TOP2A: variants seen among roughly 807,000 people sequenced by gnomAD.
TOP2A encodes DNA topoisomerase 2-alpha.
In TOP2A, 68 loss-of-function variants were observed where a neutral mutation model predicts 187.2. The observed-to-expected ratio is 0.36, with a 90% confidence interval of 0.30 to 0.44. The LOEUF (loss-of-function observed/expected upper bound fraction) is 0.44, where lower values mean the gene tolerates loss of function less well. TOP2A is among the 20% of genes least tolerant of loss of function. The probability of loss-of-function intolerance (pLI) is 1.00; values close to 1 mark genes in which losing one functional copy is unlikely to be tolerated. For synonymous variants in TOP2A, 542 were observed against 593.2 expected (o/e 0.91, Z 1.25); for missense variants, 1,196 against 1,808.7 (o/e 0.66, Z 6.14).
rs1367299271 is a variant in TOP2A at position 40,396,480 on chromosome 17, T to A, written c.3538-15A>T. ...GCTTCAACAGCCTACAGAAGGGATA[T>A]AAGAAAGCAAGTTTAAATGTTAACA... On this transcript the variant is annotated splice_polypyrimidine_tract_variant and intron_variant, in intron 27 of 34. Transcript: ENST00000423485. 2 of 1,602,344 alleles carry A rather than the reference T, an allele frequency of 1.2e-6. No individual in the cohort carries two copies. Among genetic ancestry groups the A allele is most frequent in the African/African-American group, 1.3e-5 (1 of 74,362 alleles).
chr17:40,401,023 CAT>C lies in TOP2A; in HGVS notation c.2489_2490del (p.Tyr830Ter). On this transcript the variant is annotated frameshift_variant, in exon 21 of 35. Transcript: ENST00000423485. LOFTEE classifies it high-confidence loss of function. ...PKDDHTLKFL[Y>X]DDNQRVEPEW... ...TCAGGCTCAACACGCTGGTTGTCATCATATAAAAACTTCAACGTGTGATCATC... is the reference window on the plus strand; with the variant it reads ...TCAGGCTCAACACGCTGGTTGTCATCATAAAAACTTCAACGTGTGATCATC... 6.2e-7 allele frequency: 1 copy of C among 1,613,910 alleles called. No individual in the cohort carries two copies. The highest frequency in any genetic ancestry group is 8.5e-7 in the Non-Finnish European group (1 of 1,179,886).
In TOP2A at chr17:40,390,083, C is replaced by G; in HGVS notation, c.4349G>C (p.Gly1450Ala). Reference protein sequence around the residue: ...GTKRDPALNSGVSQKPDPAKT... With the variant: ...GTKRDPALNSAVSQKPDPAKT... ...GGCAGGATCAGGCTTTTGAGAGACA[C>G]CAGAATTCAAAGCTGGATCCCTTTT... is the stretch of plus-strand genomic sequence containing the variant. Residue 1450 changes from glycine (G) to alanine (A), a missense_variant, in exon 34 of 35, where the codon GGT (glycine) becomes GCT (alanine). By Grantham distance (60) the Gly-to-Ala change is moderately conservative (BLOSUM62 0). Transcript: ENST00000423485. The G allele has an allele frequency of 6.2e-7, 1 of 1,613,830 alleles. No homozygotes were observed. The highest frequency in any genetic ancestry group is 1.3e-5 in the African/African-American group (1 of 75,036).
chr17:40,404,386 T>C lies in TOP2A; in HGVS notation c.2152A>G (p.Met718Val), dbSNP rs756935294. 13 of 1,607,880 alleles carry C rather than the reference T, an allele frequency of 8.1e-6. No individual in the cohort carries two copies. The highest frequency in any genetic ancestry group is 3.3e-5 in the Admixed American group (2 of 59,746). Residue 718 changes from methionine to valine, a missense_variant, in exon 18 of 35, where the codon ATG becomes GTG. Met to Val is a conservative substitution (Grantham distance 21). Transcript: ENST00000423485. ...NSDNERSIPS[M>V]VDGLKPGQRK... ...ACAAATTGGAACTCACCATCCACCA[T>C]AGAAGGGATAGATCTCTCGTTATCA...
In TOP2A at chr17:40,411,019, A is replaced by G; in HGVS notation, c.1203+90T>C. On this transcript the variant is annotated intron_variant, in intron 10 of 34. Coordinates refer to ENST00000423485, the MANE Select transcript of TOP2A (RefSeq NM_001067.4). The surrounding 1 kb of genome is among the most constrained non-coding windows in gnomAD (Gnocchi z 4.4). ...TTGGGAAGACTTGGAGAAGCTCACT[A>G]TGAGAAGAATCATTGTTTCTGCAGA... 2 of 1,319,850 alleles carry G rather than the reference A, an allele frequency of 1.5e-6. No homozygotes were observed. Among genetic ancestry groups the G allele is most frequent in the African/African-American group, 1.5e-5 (1 of 67,202 alleles). The allele number at this position is 1,319,850 out of a possible 1,614,324, so 81.8% of individuals were successfully genotyped here.
chr17:40,400,133 T>G, intron 23 of TOP2A, 66 bp from the exon 24 acceptor site: 1 of 1,581,276 alleles, frequency 6.3e-7, no homozygotes, highest in Non-Finnish European at 8.6e-7. Context: ...AAAGGTAGAC[T>G]AAGATATACT....
At chr17:40,408,368 A>T in intron 11 of TOP2A, 124 bp downstream of exon 11, 2 of 1,109,628 alleles carry the variant, frequency 1.8e-6, no homozygotes, top group Non-Finnish European at 1.2e-6. Flanking sequence ...GCCGATTTTT[A>T]ACAAGTTATT....
chr17:40,415,454 C>T lies in TOP2A; in HGVS notation c.332+551G>A, dbSNP rs17618397. On this transcript the variant is annotated intron_variant, in intron 4 of 34. Transcript: ENST00000423485. ...GACTAACAAAAAAGTGAAATAAGCACCCTGATCACCCACTAAGGGACACCC... is the reference window on the plus strand; with the variant it reads ...GACTAACAAAAAAGTGAAATAAGCATCCTGATCACCCACTAAGGGACACCC... 9.3e-3 allele frequency among the ~76,000 whole-genome samples: 1,416 copies of T among 152,168 alleles called. 4 individuals are homozygous for T. The highest frequency in any genetic ancestry group is 0.014 in the Non-Finnish European group (958 of 68,006).
chr17:40,395,832 G>A (rs1037047812), intron 28 of TOP2A, among the ~76,000 whole-genome samples: 8 of 151,920 alleles, frequency 5.3e-5, no homozygotes, highest in Admixed American at 3.9e-4. Flanking sequence ...AGGTTGCTGT[G>A]AGCTGAGATC....
Position 40,417,672 on chromosome 17 carries a change from G to A in TOP2A, c.21+99C>T, listed in dbSNP as rs931102950. 6.9e-6 allele frequency: 11 copies of A among 1,583,582 alleles called. No homozygotes were observed. In the Admixed American group the frequency reaches 1.8e-4, roughly 26 times the overall value. On this transcript the variant is annotated intron_variant, in intron 1 of 34. Transcript: ENST00000423485. ...AATATGGGCTCCCAAGCCGGTCGCC[G>A]GCCTGACCGCAGCCCCAGAGCTTCA...
chr17:40,391,160 A>G, intron 33 of TOP2A: 1 of 187,426 alleles, frequency 5.3e-6, no homozygotes, highest in Non-Finnish European at 1.1e-5. Flanking sequence ...GCCTCAAGCA[A>G]TCCTCTTGTT....
chr17:40,414,504 C>T (rs950621021), intron 4 of TOP2A, among the ~76,000 whole-genome samples: 1 of 151,794 alleles, frequency 6.6e-6, no homozygotes, highest in Non-Finnish European at 1.5e-5. Context: ...GCCTATTATA[C>T]CCCTTTCAAG....
Position 40,411,239 on chromosome 17 carries a change from T to G in TOP2A, c.1073A>C (p.Asn358Thr). ...GGCATTTACAAAAATCCACATGTGA[T>G]TTTTCACCTGCAATAGAAGTTGATA... is the stretch of plus-strand genomic sequence containing the variant. ...GVAVKAHQVK[N>T]HMWIFVNALI... Residue 358 changes from asparagine to threonine, a missense_variant, in exon 10 of 35, where the codon AAT (asparagine) becomes ACT (threonine). Around this residue, in one of 10 missense-constraint regions of TOP2A, gnomAD observed 252 missense variants for 434.8 expected, o/e 0.58. Coordinates refer to ENST00000423485, the MANE Select transcript of TOP2A (RefSeq NM_001067.4). The surrounding 1 kb of genome is among the most constrained non-coding windows in gnomAD (Gnocchi z 4.4). 6.2e-7 allele frequency: 1 copy of G among 1,612,844 alleles called. No individual in the cohort carries two copies. The highest frequency in any genetic ancestry group is 1.1e-5 in the South Asian group (1 of 90,670).
rs1348201069 is a variant in TOP2A, at chr17:40,408,587, T to C, written c.1247A>G (p.Lys416Arg). The C allele has an allele frequency of 2.5e-6, 4 of 1,613,844 alleles. No homozygotes were observed. Among genetic ancestry groups the C allele is most frequent in the Admixed American group, 3.3e-5 (2 of 60,022 alleles). Residue 416 changes from lysine (K) to arginine (R), a missense_variant, in exon 11 of 35, where the codon AAG becomes AGG. Coordinates refer to ENST00000423485, the MANE Select transcript of TOP2A (RefSeq NM_001067.4). Reference protein sequence around the residue: ...GIVESILNWVKFKAQVQLNKK... With the variant: ...GIVESILNWVRFKAQVQLNKK... ...GTTTAACTGGACTTGGGCCTTAAAC[T>C]TCACCCAGTTTAGTATGCTTTCTAC...
At position 40,412,873 on chromosome 17, in the gene TOP2A, C is replaced by T. The variant is rs2143685613; in HGVS notation, c.675G>A (p.Lys225=). The T allele has an allele frequency of 6.2e-7, 1 of 1,613,916 alleles. No homozygotes were observed. The highest frequency in any genetic ancestry group is 8.5e-7 in the Non-Finnish European group (1 of 1,179,870). ...TCITFQPDLS[K]FKMQSLDKDI... is the part of the protein sequence containing the mutation. The stretch of plus-strand genomic sequence containing the variant: ...CTTTGTCCAGGCTTTGCATTTTAAA[C>T]TTAGACAAATCAGGCTGAAAGGTGA... The change falls in exon 7 of 35, where the codon AAG becomes AAA. Residue 225 remains lysine (K), a synonymous_variant. Transcript: ENST00000423485.
At position 40,408,804 on chromosome 17, in the gene TOP2A, C is replaced by G. The variant is rs547791415; in HGVS notation, c.1204-174G>C. On this transcript the variant is annotated intron_variant, in intron 10 of 34. Coordinates refer to ENST00000423485, the MANE Select transcript of TOP2A (RefSeq NM_001067.4). Reference sequence around the variant, plus strand: ...ATCTTCCCATGTCAGGTTATCACCACTGAGGGAGCTGCTCCTTTTGGTTCA... The same window carrying G: ...ATCTTCCCATGTCAGGTTATCACCAGTGAGGGAGCTGCTCCTTTTGGTTCA... The G allele has an allele frequency of 2.2e-5, 16 of 715,906 alleles. No homozygotes were observed. The African/African-American group carries it at 2.8e-4, about 12-fold the overall frequency. The allele number at this position is 715,906 out of a possible 1,614,324, so 44.3% of individuals were successfully genotyped here.
chr17:40,406,984 C>T (rs781626477), intron 13 of TOP2A, 42 bp from the exon 14 acceptor site: 2 of 1,471,478 alleles, frequency 1.4e-6, no homozygotes, highest in Non-Finnish European at 1.9e-6. Context: ...AACTGTTAGG[C>T]TGGGCGTGGT....
intron 11 of TOP2A, 129 bp downstream of exon 11, chr17:40,408,363 T>C: frequency 1.8e-6 from 2 of 1,088,792 alleles, no homozygotes; most frequent in Non-Finnish European, 2.5e-6. Flanking sequence ...AACGGGCCGA[T>C]TTTTAACAAG....
At position 40,392,748 on chromosome 17, in the gene TOP2A, G is replaced by T. The variant is rs750291818; in HGVS notation, c.3812-11C>A. ...TCTTTGTCTTTGTACCTAGAGGGGA[G>T]ATAGAAATTAATCACCTTTATATAT... On this transcript the variant is annotated splice_polypyrimidine_tract_variant and intron_variant, in intron 29 of 34. Transcript: ENST00000423485. 9 of 1,597,214 alleles carry T rather than the reference G, an allele frequency of 5.6e-6. No individual in the cohort carries two copies. The highest frequency in any genetic ancestry group is 7.7e-6 in the Non-Finnish European group (9 of 1,175,088).
At position 40,396,438 on chromosome 17, in the gene TOP2A, C is replaced by T; in HGVS notation, c.3565G>A (p.Glu1189Lys). ...EAVEAKEKQD[E>K]QVGLPGKGGK... Reference sequence around the variant, plus strand: ...CCTTTCCCAGGAAGTCCGACTTGTTCATCTTGTTTTTCCTTGGCTTCAACA... The same window carrying T: ...CCTTTCCCAGGAAGTCCGACTTGTTTATCTTGTTTTTCCTTGGCTTCAACA... The change falls in exon 28 of 35, where the codon GAA (glutamate) becomes AAA (lysine). Residue 1189 changes from glutamate to lysine, a missense_variant. Glu to Lys is a moderately conservative substitution (Grantham distance 56). Transcript: ENST00000423485. 6.2e-7 allele frequency: 1 copy of T among 1,613,688 alleles called. No individual in the cohort carries two copies. Among genetic ancestry groups the T allele is most frequent in the African/African-American group, 1.3e-5 (1 of 74,968 alleles).
Sources: gnomAD v4.1 joint callset for allele counts (sites outside exome capture counted in the v4.1 genomes callset) on GRCh38, gnomAD v4.1.1 for gene constraint, gnomAD v4.1.1 regional missense constraint, Gnocchi (gnomAD v3.1) non-coding constraint, MANE v1.5 for transcripts, NCBI Gene and HGNC (gene_info 2026-07-23, HGNC 2026-07-21) for gene names.